PRKG1: variants seen among roughly 807,000 people sequenced by gnomAD.
PRKG1 encodes cGMP-dependent protein kinase 1.
A neutral mutation model predicts 88.1 loss-of-function variants in PRKG1; 35 were observed. The observed-to-expected ratio is 0.40, with a 90% CI of 0.30 to 0.53. The LOEUF (loss-of-function observed/expected upper bound fraction) is 0.53, where lower values mean the gene tolerates loss of function less well. Ranked by LOEUF, PRKG1 falls within the 20% of genes least tolerant of loss-of-function variation. The pLI is 0.59. For synonymous variants in PRKG1, 303 were observed against 292.5 expected (o/e 1.04, Z -0.37); for missense variants, 540 against 839.8 (o/e 0.64, Z 4.41).
intron 4 of PRKG1, among the ~76,000 whole-genome samples, chr10:51,858,500 G>A (rs1840778332): frequency 7.5e-6 from 1 of 134,166 alleles, no homozygotes; most frequent in African/African-American, 2.8e-5. Flanking sequence ...ATATAAATGT[G>A]CTTTGATTTG....
At chr10:51,994,409 A>C (rs1844385328) in intron 5 of PRKG1, among the ~76,000 whole-genome samples, 1 of 152,144 alleles carries the variant, frequency 6.6e-6, no homozygotes, top group Admixed American at 6.6e-5. Context: ...TCAAAAATGT[A>C]ATATGTATCC....
chr10:51,519,573 A>C (rs535512098), intron 3 of PRKG1, among the ~76,000 whole-genome samples: 2 of 152,302 alleles, frequency 1.3e-5, no homozygotes, highest in African/African-American at 4.8e-5. Flanking sequence ...AAATAATCTC[A>C]ATTAAATTCT....
At chr10:51,179,301 G>A (rs1837282007) in intron 2 of PRKG1, among the ~76,000 whole-genome samples, 1 of 152,124 alleles carries the variant, frequency 6.6e-6, no homozygotes, top group Non-Finnish European at 1.5e-5. Flanking sequence ...CTAATGTTTT[G>A]CTTTCTTAAA....
At chr10:51,841,646 A>G (rs1191531313) in intron 4 of PRKG1, among the ~76,000 whole-genome samples, 2 of 90,702 alleles carry the variant, frequency 2.2e-5, no homozygotes, top group African/African-American at 1.0e-4. Context: ...CTGTGACTGA[A>G]TTTGTTAAAA....
intron 1 of PRKG1, among the ~76,000 whole-genome samples, chr10:51,141,811 A>G (rs1398773785): frequency 6.6e-6 from 1 of 152,190 alleles, no homozygotes; most frequent in African/African-American, 2.4e-5. Flanking sequence ...CAAATTGTAC[A>G]TATTACATTT....
chr10:51,133,170 C>G (rs913259148), intron 1 of PRKG1, among the ~76,000 whole-genome samples: 5 of 152,258 alleles, frequency 3.3e-5, no homozygotes, highest in Admixed American at 2.6e-4. Context: ...CTTCACTTAT[C>G]TGAAAGGGAA....
At chr10:51,932,254 C>G (rs993370806) in intron 5 of PRKG1, among the ~76,000 whole-genome samples, 2 of 150,172 alleles carry the variant, frequency 1.3e-5, no homozygotes, top group African/African-American at 4.9e-5. Flanking sequence ...AAAATCATTT[C>G]CATAGTTCCA....
chr10:51,531,874 A>G (rs916091010), intron 3 of PRKG1, among the ~76,000 whole-genome samples: 5 of 151,716 alleles, frequency 3.3e-5, no homozygotes, highest in African/African-American at 1.2e-4. Flanking sequence ...TGAACCCCTG[A>G]CCTCGTGATT....
intron 5 of PRKG1, among the ~76,000 whole-genome samples, chr10:51,922,048 C>G (rs1029462661): frequency 6.6e-6 from 1 of 151,664 alleles, no homozygotes; most frequent in Non-Finnish European, 1.5e-5. Context: ...CTAGTGCCTT[C>G]TGTTTGGTAG....
At chr10:51,167,108 AG>A (rs1000460022) in intron 2 of PRKG1, among the ~76,000 whole-genome samples, 2 of 152,152 alleles carry the variant, frequency 1.3e-5, no homozygotes, top group African/African-American at 4.8e-5. Flanking sequence ...CAGGGGAAAA[AG>A]ATAAAACTGT....
At chr10:51,737,114 A>G (rs976747112) in intron 3 of PRKG1, among the ~76,000 whole-genome samples, 3 of 152,200 alleles carry the variant, frequency 2.0e-5, no homozygotes, top group Non-Finnish European at 4.4e-5. Context: ...AAACCACCAC[A>G]AATTTGACCA....
At chr10:51,309,899 T>C (rs969641560) in intron 2 of PRKG1, among the ~76,000 whole-genome samples, 3 of 152,204 alleles carry the variant, frequency 2.0e-5, no homozygotes, top group Non-Finnish European at 4.4e-5. Context: ...ATATGTACAA[T>C]GGAATACTAT....
intron 2 of PRKG1, among the ~76,000 whole-genome samples, chr10:51,385,115 G>A (rs1163540769): frequency 3.3e-5 from 5 of 152,278 alleles, no homozygotes; most frequent in African/African-American, 1.2e-4. Flanking sequence ...AAACACAGGA[G>A]TGCTTAAAGT....
chr10:51,218,256 C>T (rs1352796414), intron 2 of PRKG1, among the ~76,000 whole-genome samples: 4 of 151,760 alleles, frequency 2.6e-5, no homozygotes, highest in African/African-American at 4.8e-5. Context: ...TGTTTTGTAA[C>T]AAAAACGTTG....
intron 1 of PRKG1, among the ~76,000 whole-genome samples, chr10:51,018,896 A>C (rs1035166591): frequency 2.0e-5 from 3 of 152,194 alleles, no homozygotes; most frequent in Non-Finnish European, 4.4e-5. Flanking sequence ...TTATGCATTT[A>C]TTTGATTACT....
At position 52,282,268 on chromosome 10, in the gene PRKG1, C is replaced by T. The variant is rs748543896; in HGVS notation, c.1661C>T (p.Ala554Val). Reference protein sequence around the residue: ...IILNKGHDISADYWSLGILMY... With the variant: ...IILNKGHDISVDYWSLGILMY... ...CTGAACAAAGGCCATGACATTTCAGCCGACTACTGGTCACTGGGAATCCTA... is the reference window on the plus strand; with the variant it reads ...CTGAACAAAGGCCATGACATTTCAGTCGACTACTGGTCACTGGGAATCCTA... Residue 554 changes from alanine to valine, a missense_variant, in exon 14 of 18, where the codon GCC becomes GTC. This residue lies in a region of PRKG1 where 97 missense variants were observed against 210.6 expected (regional missense o/e 0.46). Transcript: ENST00000373980. 4.3e-6 allele frequency: 7 copies of T among 1,610,256 alleles called. No individual in the cohort carries two copies. Among genetic ancestry groups the T allele is most frequent in the Non-Finnish European group, 5.9e-6 (7 of 1,177,538 alleles).
At chr10:52,117,450 A>T (rs1319292259) in intron 7 of PRKG1, among the ~76,000 whole-genome samples, 3 of 152,060 alleles carry the variant, frequency 2.0e-5, no homozygotes, top group African/African-American at 7.2e-5. Flanking sequence ...GCCAGCATAA[A>T]TTACCTCTAG....
chr10:51,980,767 G>A (rs1201480194), intron 5 of PRKG1, among the ~76,000 whole-genome samples: 1 of 151,992 alleles, frequency 6.6e-6, no homozygotes, highest in East Asian at 1.9e-4. Flanking sequence ...ATTATTGTTG[G>A]TTTAAAGTCT....
At chr10:52,243,020 C>T (rs1360013141) in intron 9 of PRKG1, among the ~76,000 whole-genome samples, 2 of 152,140 alleles carry the variant, frequency 1.3e-5, no homozygotes, top group Admixed American at 6.6e-5. Context: ...TTTGCCAATA[C>T]ATTTAAAGCT....
Sources: gnomAD v4.1 joint callset for allele counts (sites outside exome capture counted in the v4.1 genomes callset) on GRCh38, gnomAD v4.1.1 for gene constraint, gnomAD v4.1.1 regional missense constraint, MANE v1.5 for transcripts, NCBI Gene and HGNC (gene_info 2026-07-23, HGNC 2026-07-21) for gene names.